MIDEAS: variants seen among roughly 807,000 people sequenced by gnomAD.
MIDEAS encodes mitotic deacetylase associated SANT domain protein, also known as mitotic deacetylase-associated SANT domain protein.
MIDEAS carries 26 observed loss-of-function variants against 102.7 expected under a neutral mutation model. The ratio of observed to expected loss-of-function variants is 0.25; its 90% CI spans 0.19 to 0.35. The LOEUF is 0.35. Among genes scored for constraint, MIDEAS ranks in the 10% least tolerant of loss-of-function variants. The pLI is 1.00. For missense variants in MIDEAS, 1,231 were observed against 1,435.6 expected, an observed-to-expected ratio of 0.86 and a Z score of 2.30; for synonymous variants, 585 against 591.0, an observed-to-expected ratio of 0.99 and a Z score of 0.15.
chr14:73,775,094 C>G (rs1235955890), intron 1 of MIDEAS, among the ~76,000 whole-genome samples: 3 of 152,020 alleles, frequency 2.0e-5, no homozygotes, highest in Non-Finnish European at 4.4e-5. Context: ...GAGGGCATTC[C>G]AGATGGAAGA....
chr14:73,777,914 A>G (rs2053706142), intron 1 of MIDEAS, among the ~76,000 whole-genome samples: 1 of 151,924 alleles, frequency 6.6e-6, no homozygotes, highest in Non-Finnish European at 1.5e-5. Context: ...TGTCTCCCTC[A>G]CAGACCATGA....
At position 73,736,956 on chromosome 14, in the gene MIDEAS, C is replaced by G. The variant is rs531015405; in HGVS notation, c.1749+42G>C. On this transcript the variant is annotated intron_variant, in intron 3 of 12. Transcript: ENST00000423556. ...CCCATAGGGTCCTGGGCCCCCTGAG[C>G]ACTCACGCGCTGGAGGTGTTTAGAA... The G allele has an allele frequency of 3.8e-6, 6 of 1,579,458 alleles. No individual in the cohort carries two copies. In the East Asian group the frequency reaches 1.4e-4, roughly 36 times the overall value.
intron 1 of MIDEAS, among the ~76,000 whole-genome samples, chr14:73,768,314 C>T (rs1459932409): frequency 6.6e-6 from 1 of 152,118 alleles, no homozygotes; most frequent in Admixed American, 6.6e-5. Flanking sequence ...CAAGGTCATA[C>T]AGATGGCATT....
Position 73,718,890 on chromosome 14 carries a change from GGGCGGCGGC to G in MIDEAS, c.3244_3252del (p.Ala1082_Ala1084del). 2.6e-6 allele frequency: 4 copies of G among 1,518,482 alleles called. No homozygotes were observed. Among genetic ancestry groups the G allele is most frequent in the Non-Finnish European group, 3.5e-6 (4 of 1,139,568 alleles). The allele number at this position is 1,518,482 out of a possible 1,614,324, so 94.1% of individuals were successfully genotyped here. A position where few individuals can be genotyped will look rare whatever the true frequency, so the allele number is the denominator to read the frequency against. On this transcript the variant is annotated inframe_deletion, in exon 13 of 13. Transcript: ENST00000423556. ...CTCTCCTCCCGCAGGGCCTGCTGGT[GGGCGGCGGC>G]GGCGGCAGCAGCGGCCTCTTTCTCC...
intron 11 of MIDEAS, among the ~76,000 whole-genome samples, chr14:73,720,290 G>C (rs1017146932): frequency 2.1e-5 from 3 of 145,928 alleles, no homozygotes; most frequent in Non-Finnish European, 4.5e-5. Flanking sequence ...CCAGGCTGGA[G>C]TGCAGTGGCA....
chr14:73,742,559 C>G lies in MIDEAS; in HGVS notation c.-247-2304G>C, dbSNP rs1272456855. 6.6e-6 allele frequency among the ~76,000 whole-genome samples: 1 copy of G among 152,222 alleles called. No individual in the cohort carries two copies. ...GGAGGAGCTGAGCTCAGCTGGGAAG[C>G]CTCCCACTCCCACCCTGCACATCAA... On this transcript the variant is annotated intron_variant, in intron 1 of 12. Coordinates refer to ENST00000423556, the MANE Select transcript of MIDEAS (RefSeq NM_001367710.1). This position sits in a 1 kb window ranked among gnomAD's most constrained non-coding sequence, Gnocchi z 4.4.
chr14:73,776,050 T>C (rs1416195018), intron 1 of MIDEAS, among the ~76,000 whole-genome samples: 2 of 151,948 alleles, frequency 1.3e-5, no homozygotes, highest in African/African-American at 4.8e-5. Flanking sequence ...CTCCAACTTC[T>C]AGTCTGAAAA....
chr14:73,739,229 C>T lies in MIDEAS; in HGVS notation c.780G>A (p.Gln260=), dbSNP rs1566592579. 2 of 1,611,686 alleles carry T rather than the reference C, an allele frequency of 1.2e-6. No homozygotes were observed. The highest frequency in any genetic ancestry group is 3.3e-5 in the Admixed American group (2 of 59,900). The change falls in exon 2 of 13, where the codon CAG becomes CAA. Residue 260 remains glutamine, a synonymous_variant. Coordinates refer to ENST00000423556, the MANE Select transcript of MIDEAS (RefSeq NM_001367710.1). ...GCATCTGGGGTAGGGCTGCCTGCTG[C>T]TGCTGCTGCTGCTGCTGTGGTTGCT... The part of the protein sequence containing the change: ...QQQQPQQQQQ[Q]QQAALPQMPL...
chr14:73,722,882 T>C (rs1002531571), intron 9 of MIDEAS, 35 bp from the exon 10 acceptor site: 1 of 1,607,628 alleles, frequency 6.2e-7, no homozygotes. Flanking sequence ...CAGAACCCTC[T>C]GGTTTGGCTC....
At chr14:73,752,610 G>A (rs1003503646) in intron 1 of MIDEAS, among the ~76,000 whole-genome samples, 61 of 152,274 alleles carry the variant, frequency 4.0e-4, no homozygotes, top group African/African-American at 1.4e-3. Flanking sequence ...GAGTCTCAGT[G>A]TGGCTGCCTG....
chr14:73,729,850 G>C lies in MIDEAS; in HGVS notation c.1885C>G (p.Pro629Ala), dbSNP rs773784471. ...IAPPVYSNIT[P>A]YQSHLRSPVR... The stretch of plus-strand genomic sequence containing the variant: ...GGAGAGCGCAGGTGGCTCTGGTATG[G>C]GGTGATGTTGGAGTAGACGGGAGGG... Residue 629 changes from proline to alanine, a missense_variant, in exon 4 of 13, where the codon CCA (proline) becomes GCA (alanine). Pro to Ala is a conservative substitution (Grantham distance 27, BLOSUM62 -1). This residue lies in a region of MIDEAS where 758 missense variants were observed against 856.0 expected (regional missense o/e 0.89). Coordinates refer to ENST00000423556, the MANE Select transcript of MIDEAS (RefSeq NM_001367710.1). 1 of 1,614,034 alleles carries C rather than the reference G, an allele frequency of 6.2e-7. No individual in the cohort carries two copies. The highest frequency in any genetic ancestry group is 1.7e-5 in the Admixed American group (1 of 60,036).
rs1364712089 is a variant in MIDEAS at position 73,727,448 on chromosome 14, C to G, written c.2162+10G>C. 6.2e-7 allele frequency: 1 copy of G among 1,613,902 alleles called. No individual in the cohort carries two copies. The highest frequency in any genetic ancestry group is 1.3e-5 in the African/African-American group (1 of 74,936). On this transcript the variant is annotated intron_variant, in intron 5 of 12. Coordinates refer to ENST00000423556, the MANE Select transcript of MIDEAS (RefSeq NM_001367710.1). The stretch of plus-strand genomic sequence containing the variant: ...CCACACCCCTCGGCCAGGGGCAGGG[C>G]TGCACTTACGGCTCGATGCTCACTG...
At chr14:73,769,690 C>T (rs1239364550) in intron 1 of MIDEAS, among the ~76,000 whole-genome samples, 1 of 152,072 alleles carries the variant, frequency 6.6e-6, no homozygotes, top group Non-Finnish European at 1.5e-5. Context: ...CAACCTCTGC[C>T]TCCCGGGTTC....
In MIDEAS at chr14:73,727,469, C is replaced by T; in HGVS notation, c.2151G>A (p.Val717=). 6.2e-7 allele frequency: 1 copy of T among 1,613,962 alleles called. No individual in the cohort carries two copies. Among genetic ancestry groups the T allele is most frequent in the East Asian group, 2.2e-5 (1 of 44,864 alleles). The change falls in exon 5 of 13, where the codon GTG becomes GTA. Residue 717 remains valine, a synonymous_variant. Transcript: ENST00000423556. ...VLSVMGEATP[V]SIEPRINVGS... is the part of the protein sequence containing the mutation. ...AGGGCTGCACTTACGGCTCGATGCT[C>T]ACTGGGGTGGCCTCCCCCATCACAG...
In MIDEAS at chr14:73,738,591, G is replaced by T; in HGVS notation, c.1418C>A (p.Ala473Asp). 1 of 1,600,468 alleles carries T rather than the reference G, an allele frequency of 6.2e-7. No homozygotes were observed. The highest frequency in any genetic ancestry group is 8.5e-7 in the Non-Finnish European group (1 of 1,172,956). Residue 473 changes from alanine to aspartate, a missense_variant, in exon 2 of 13, where the codon GCT (alanine) becomes GAT (aspartate). By Grantham distance (126) the Ala-to-Asp change is moderately radical. This residue lies in a region of MIDEAS where 758 missense variants were observed against 856.0 expected (regional missense o/e 0.89). Transcript: ENST00000423556. ...EANLLTLAQK[A>D]VELASLQNAK... The stretch of plus-strand genomic sequence containing the variant: ...ATTCTGCAGTGAGGCCAGCTCCACA[G>T]CCTTCTGGGCCAGGGTCAGCAAATT...
At position 73,738,862 on chromosome 14, in the gene MIDEAS, G is replaced by C. The variant is rs2053240271; in HGVS notation, c.1147C>G (p.Gln383Glu). ...GNLFLHHWPL[Q>E]QPPPGSLGQP... is the part of the protein sequence containing the mutation. ...CCCAGGGAGCCAGGTGGCGGCTGCT[G>C]CAGGGGCCAGTGATGTAGGAACAGG... Residue 383 changes from glutamine (Q) to glutamate (E), a missense_variant, in exon 2 of 13, where the codon CAG becomes GAG. By Grantham distance (29) the Gln-to-Glu change is conservative (BLOSUM62 2). This residue lies in a region of MIDEAS where 758 missense variants were observed against 856.0 expected (regional missense o/e 0.89). Coordinates refer to ENST00000423556, the MANE Select transcript of MIDEAS (RefSeq NM_001367710.1). 2.5e-6 allele frequency: 4 copies of C among 1,571,520 alleles called. No homozygotes were observed. The African/African-American group carries it at 5.4e-5, about 21-fold the overall frequency.
intron 1 of MIDEAS, among the ~76,000 whole-genome samples, chr14:73,753,238 C>A (rs1241164806): frequency 6.6e-6 from 1 of 152,242 alleles, no homozygotes; most frequent in African/African-American, 2.4e-5. Context: ...GAGAGGGAGG[C>A]AGCAGGGAGG....
At chr14:73,733,670 A>G (rs955455652) in intron 3 of MIDEAS, among the ~76,000 whole-genome samples, 3 of 152,174 alleles carry the variant, frequency 2.0e-5, no homozygotes, top group Non-Finnish European at 4.4e-5. Flanking sequence ...GTACTAACAG[A>G]TTTCTAAAAG....
chr14:73,773,333 T>C (rs908836350), intron 1 of MIDEAS, among the ~76,000 whole-genome samples: 1 of 151,808 alleles, frequency 6.6e-6, no homozygotes, highest in Non-Finnish European at 1.5e-5. Context: ...GGTAATACAA[T>C]TGATTTTCCA....
Sources: gnomAD v4.1 joint callset for allele counts (sites outside exome capture counted in the v4.1 genomes callset) on GRCh38, gnomAD v4.1.1 for gene constraint, gnomAD v4.1.1 regional missense constraint, Gnocchi (gnomAD v3.1) non-coding constraint, MANE v1.5 for transcripts, NCBI Gene and HGNC (gene_info 2026-07-23, HGNC 2026-07-21) for gene names.